The following PSEN2 variants were observed in gnomAD, a reference collection of about 807,000 sequenced individuals.
PSEN2 encodes the protein presenilin-2.
PSEN2 carries 32 observed loss-of-function variants against 49.1 expected under a neutral mutation model. That is an observed-to-expected ratio of 0.65 (90% CI 0.49 to 0.88). The LOEUF (loss-of-function observed/expected upper bound fraction) is 0.88. Among genes scored for constraint, PSEN2 ranks in the 40% least tolerant of loss-of-function variants. PSEN2 has a pLI of 0.00. For missense variants in PSEN2, 522 were observed against 586.9 expected (o/e 0.89, Z 1.14); for synonymous variants, 255 against 244.0 (o/e 1.05, Z -0.42).
intron 6 of PSEN2, among the ~76,000 whole-genome samples, chr1:226,886,745 C>T (rs990257726): frequency 6.6e-6 from 1 of 152,100 alleles, no homozygotes; most frequent in African/African-American, 2.4e-5. Flanking sequence ...CCAGCGGGGG[C>T]AGCAGAGGGG....
Position 226,883,923 on chromosome 1 carries a change from A to C in PSEN2, c.356+4A>C. On this transcript the variant is annotated splice_donor_region_variant and intron_variant, in intron 5 of 12. Transcript: ENST00000366783. ...ACACAGAGAAGAATGGACAGCTGTG[A>C]GTTGGGGGGCTGGGGGGAGCAGGGT... 2.6e-6 allele frequency: 2 copies of C among 774,116 alleles called. No homozygotes were observed. Among genetic ancestry groups the C allele is most frequent in the Admixed American group, 5.4e-5 (2 of 36,956 alleles). The allele number at this position is 774,116 out of a possible 1,614,324, so 48.0% of individuals were successfully genotyped here.
chr1:226,876,853 G>A (rs1273171063), intron 3 of PSEN2, among the ~76,000 whole-genome samples: 1 of 152,186 alleles, frequency 6.6e-6, no homozygotes, highest in Non-Finnish European at 1.5e-5. Context: ...GGCCAGTGCA[G>A]TTTGTCCAGG....
intron 11 of PSEN2, among the ~76,000 whole-genome samples, chr1:226,893,719 C>T (rs1661910590): frequency 6.6e-6 from 1 of 152,176 alleles, no homozygotes; most frequent in African/African-American, 2.4e-5. Context: ...TTGTTGTTTT[C>T]TTTACTCTCT....
At chr1:226,890,434 C>T (rs532060308) in intron 9 of PSEN2, 13 of 394,896 alleles carry the variant, frequency 3.3e-5, no homozygotes, top group African/African-American at 2.7e-4. Flanking sequence ...CCCCTCAGCT[C>T]TCCAGGCTCT....
intron 3 of PSEN2, among the ~76,000 whole-genome samples, chr1:226,877,954 G>A (rs1197782759): frequency 6.6e-6 from 1 of 152,208 alleles, no homozygotes; most frequent in African/African-American, 2.4e-5. Context: ...TCACTGTCTA[G>A]CGCAGTGTCA....
At chr1:226,880,731 T>C in intron 3 of PSEN2, 3 of 1,612,086 alleles carry the variant, frequency 1.9e-6, no homozygotes, top group Non-Finnish European at 2.5e-6. Context: ...TTTGGTACAC[T>C]GGGTCCCCCA....
At position 226,883,739 on chromosome 1, in the gene PSEN2, AC is replaced by A; in HGVS notation, c.179del (p.Pro60LeufsTer20). ...GAGAACGAGGAGGACGGTGAGGAGG[AC>A]CCTGACCGCTATGTCTGTAGTGGGG... ...SQENEEDGEE[D>X]PDRYVCSGVP... On this transcript the variant is annotated frameshift_variant, in exon 5 of 13. Coordinates refer to ENST00000366783, the MANE Select transcript of PSEN2 (RefSeq NM_000447.3). LOFTEE classifies it high-confidence loss of function. 1 of 1,613,912 alleles carries A rather than the reference AC, an allele frequency of 6.2e-7. No individual in the cohort carries two copies. Among genetic ancestry groups the A allele is most frequent in the South Asian group, 1.1e-5 (1 of 91,056 alleles).
downstream of PSEN2, among the ~76,000 whole-genome samples, chr1:226,900,602 T>G (rs1662286207): frequency 6.6e-6 from 1 of 152,210 alleles, no homozygotes; most frequent in Admixed American, 6.5e-5. Context: ...CCGTGGATTT[T>G]GGGACAGCTT....
Position 226,889,109 on chromosome 1 carries a change from C to T in PSEN2, c.787+60C>T, listed in dbSNP as rs1169174061. 2.0e-6 allele frequency: 3 copies of T among 1,479,318 alleles called. No homozygotes were observed. The Admixed American group carries it at 5.5e-5, about 27-fold the overall frequency. The allele number at this position is 1,479,318 out of a possible 1,614,324, so 91.6% of individuals were successfully genotyped here. A position where few individuals can be genotyped will look rare whatever the true frequency, so the allele number is the denominator to read the frequency against. On this transcript the variant is annotated intron_variant, in intron 8 of 12. Transcript: ENST00000366783. Reference sequence around the variant, plus strand: ...GGCGATGTCCAGGGCCAAATCGTCCCCAGTGCTGCACAAGGAGGGCAGGTG... The same window carrying T: ...GGCGATGTCCAGGGCCAAATCGTCCTCAGTGCTGCACAAGGAGGGCAGGTG...
intron 3 of PSEN2, among the ~76,000 whole-genome samples, chr1:226,878,376 A>G (rs1026132268): frequency 1.3e-5 from 2 of 152,108 alleles, no homozygotes; most frequent in African/African-American, 4.8e-5. Context: ...GCGTCTTATT[A>G]GTGGTTGGCA....
At chr1:226,874,540 G>C (rs1258218927) in intron 2 of PSEN2, among the ~76,000 whole-genome samples, 1 of 152,200 alleles carries the variant, frequency 6.6e-6, no homozygotes, top group Non-Finnish European at 1.5e-5. Flanking sequence ...GATCTCTGGG[G>C]CCTGGCCTTT....
intron 5 of PSEN2, among the ~76,000 whole-genome samples, chr1:226,885,254 G>C (rs184316899): frequency 1.3e-5 from 2 of 152,080 alleles, no homozygotes; most frequent in African/African-American, 4.8e-5. Flanking sequence ...TTTAATCCCT[G>C]TGGGGGTGGG....
chr1:226,885,027 T>G (rs1430114032), intron 5 of PSEN2, among the ~76,000 whole-genome samples: 1 of 152,166 alleles, frequency 6.6e-6, no homozygotes, highest in Admixed American at 6.5e-5. Flanking sequence ...GCCAGCGGTT[T>G]GTTTGCAGCA....
At position 226,890,148 on chromosome 1, in the gene PSEN2, C is replaced by T. The variant is rs141577748; in HGVS notation, c.886+15C>T. Reference sequence around the variant, plus strand: ...GATATACTCATGTGAGTGAGCCCCCCGTGCCTCTGCCTGACTCGGGGTCAG... The same window carrying T: ...GATATACTCATGTGAGTGAGCCCCCTGTGCCTCTGCCTGACTCGGGGTCAG... On this transcript the variant is annotated intron_variant, in intron 9 of 12. Transcript: ENST00000366783. The T allele has an allele frequency of 3.0e-5, 48 of 1,599,574 alleles. No individual in the cohort carries two copies. In the East Asian group the frequency reaches 3.8e-4, roughly 13 times the overall value.
intron 4 of PSEN2, among the ~76,000 whole-genome samples, chr1:226,882,418 A>G (rs1661060608): frequency 6.6e-6 from 1 of 152,194 alleles, no homozygotes; most frequent in East Asian, 1.9e-4. Flanking sequence ...TTTTTGGCAG[A>G]TGGCCAGACA....
At chr1:226,894,583 G>T (rs1216222120) in intron 12 of PSEN2, among the ~76,000 whole-genome samples, 1 of 152,234 alleles carries the variant, frequency 6.6e-6, no homozygotes, top group Non-Finnish European at 1.5e-5. Flanking sequence ...GGGCACTAGG[G>T]GTGGCCCCGT....
intron 10 of PSEN2, 127 bp downstream of exon 10, chr1:226,891,488 G>A: frequency 2.3e-6 from 2 of 876,494 alleles, no homozygotes; most frequent in Admixed American, 2.2e-5. Context: ...AAGGTCCGTT[G>A]AAAACCAGCC....
intron 3 of PSEN2, among the ~76,000 whole-genome samples, chr1:226,876,452 TA>T (rs1660632774): frequency 1.3e-5 from 2 of 152,206 alleles, no homozygotes; most frequent in Non-Finnish European, 2.9e-5. Flanking sequence ...AAAATCTGTC[TA>T]AATGTTGATG....
chr1:226,878,114 C>G (rs1003113297), intron 3 of PSEN2, among the ~76,000 whole-genome samples: 4 of 151,736 alleles, frequency 2.6e-5, no homozygotes. Flanking sequence ...GAGTCTCACT[C>G]TGTCGCCCAG....
Sources: allele counts gnomAD v4.1 joint callset (sites outside exome capture counted in the v4.1 genomes callset), GRCh38; gene constraint gnomAD v4.1.1; transcripts MANE v1.5; gene names NCBI Gene and HGNC (gene_info 2026-07-23, HGNC 2026-07-21).